The following ERGIC2 variants were observed in gnomAD, a reference collection of about 807,000 sequenced individuals.
ERGIC2 encodes endoplasmic reticulum-Golgi intermediate compartment protein 2.
In ERGIC2, 31 loss-of-function variants were observed where a neutral mutation model predicts 52.5. That is an observed-to-expected ratio of 0.59 (90% CI 0.44 to 0.80). The LOEUF (loss-of-function observed/expected upper bound fraction) is 0.80. ERGIC2 is among the 30% of genes least tolerant of loss of function. The probability of loss-of-function intolerance (pLI) is 0.00; values close to 1 mark genes in which losing one functional copy is unlikely to be tolerated. For synonymous variants in ERGIC2, 129 were observed against 140.6 expected (o/e 0.92, Z 0.58); for missense variants, 395 against 455.2 (o/e 0.87, Z 1.20).
intron 12 of ERGIC2, among the ~76,000 whole-genome samples, chr12:29,342,250 T>C (rs1949845257): frequency 6.6e-6 from 1 of 152,206 alleles, no homozygotes; most frequent in Admixed American, 6.5e-5. Context: ...TGGCCTCAAG[T>C]TGATCCGCCA....
chr12:29,375,615 AT>A (rs1359558674), intron 1 of ERGIC2, among the ~76,000 whole-genome samples: 1 of 152,244 alleles, frequency 6.6e-6, no homozygotes, highest in Admixed American at 6.5e-5. Context: ...TATTTGTATA[AT>A]GAGCTTTCTA....
chr12:29,356,628 C>T lies in ERGIC2; in HGVS notation c.477-151G>A, dbSNP rs182849581. The stretch of plus-strand genomic sequence containing the variant: ...ATAGAATAGTTTCCTGAAGTCTAGA[C>T]ATTTATAAAAATTATACATCTATAA... On this transcript the variant is annotated intron_variant, in intron 7 of 13. Coordinates refer to ENST00000360150, the MANE Select transcript of ERGIC2 (RefSeq NM_016570.3). 4.8e-4 allele frequency: 225 copies of T among 472,576 alleles called. 2 individuals carry two copies. Among genetic ancestry groups the T allele is most frequent in the Admixed American group, 3.3e-3 (88 of 26,496 alleles). The allele number at this position is 472,576 out of a possible 1,614,324, so 29.3% of individuals were successfully genotyped here. A position where few individuals can be genotyped will look rare whatever the true frequency, so the allele number is the denominator to read the frequency against.
intron 10 of ERGIC2, 144 bp from the exon 11 acceptor site, chr12:29,345,684 AAGG>A: frequency 1.6e-6 from 1 of 627,886 alleles, no homozygotes; most frequent in Non-Finnish European, 2.9e-6. Flanking sequence ...GAGGCTGACG[AAGG>A]AGGACTGCTT....
Position 29,361,697 on chromosome 12 carries a change from G to C in ERGIC2, c.334-12C>G, listed in dbSNP as rs1450503648. 1 of 1,597,024 alleles carries C rather than the reference G, an allele frequency of 6.3e-7. No homozygotes were observed. Among genetic ancestry groups the C allele is most frequent in the Non-Finnish European group, 8.5e-7 (1 of 1,171,442 alleles). ...AGATCAAATACTGTCTGAAATGAAAGAAAACATAATCACTAGCATTGTCAA... is the reference window on the plus strand; with the variant it reads ...AGATCAAATACTGTCTGAAATGAAACAAAACATAATCACTAGCATTGTCAA... On this transcript the variant is annotated splice_polypyrimidine_tract_variant and intron_variant, in intron 5 of 13. Coordinates refer to ENST00000360150, the MANE Select transcript of ERGIC2 (RefSeq NM_016570.3).
intron 1 of ERGIC2, among the ~76,000 whole-genome samples, chr12:29,376,502 C>T (rs532635433): frequency 8.5e-5 from 13 of 152,292 alleles, no homozygotes; most frequent in South Asian, 4.1e-4. Flanking sequence ...AGCTTAACAG[C>T]GCTTCTCCTC....
rs1050969835 is a variant in ERGIC2, at chr12:29,338,113, G to C, written c.*3043C>G. The C allele has an allele frequency of 1.3e-5, 2 of 150,914 alleles. No homozygotes were observed. Among genetic ancestry groups the C allele is most frequent in the Non-Finnish European group, 2.9e-5 (2 of 67,978 alleles). 9.3% of individuals were successfully genotyped at this position (150,914 alleles called of 1,614,324 possible). A position where few individuals can be genotyped will look rare whatever the true frequency, so the allele number is the denominator to read the frequency against. ...CACTTGAACCCGGGAGACGGAGGTTGCAGTGAGCTGAGATTGCACCACTGC... is the reference window on the plus strand; with the variant it reads ...CACTTGAACCCGGGAGACGGAGGTTCCAGTGAGCTGAGATTGCACCACTGC... On this transcript the variant is annotated 3_prime_UTR_variant, in exon 14 of 14. Transcript: ENST00000360150.
chr12:29,354,484 AT>A (rs1039381763), intron 8 of ERGIC2, among the ~76,000 whole-genome samples: 131 of 152,326 alleles, frequency 8.6e-4, no homozygotes, highest in African/African-American at 2.4e-3. Context: ...GCTCAAGCAT[AT>A]TGAAATACAT....
intron 1 of ERGIC2, among the ~76,000 whole-genome samples, chr12:29,376,681 C>T (rs1375430888): frequency 6.6e-6 from 1 of 152,132 alleles, no homozygotes; most frequent in Non-Finnish European, 1.5e-5. Flanking sequence ...GTTCTCAAAT[C>T]CTTTAAATCC....
chr12:29,363,127 A>T (rs1206677227), intron 5 of ERGIC2, among the ~76,000 whole-genome samples: 1 of 152,216 alleles, frequency 6.6e-6, no homozygotes, highest in Non-Finnish European at 1.5e-5. Context: ...GAGCTCAAAA[A>T]GTTACAAACT....
intron 10 of ERGIC2, among the ~76,000 whole-genome samples, chr12:29,347,496 A>G (rs1446141572): frequency 1.3e-5 from 2 of 152,162 alleles, no homozygotes; most frequent in Admixed American, 1.3e-4. Context: ...GCCCTTTCTC[A>G]TATCATAGGC....
At chr12:29,342,299 C>T (rs534857923) in intron 12 of ERGIC2, among the ~76,000 whole-genome samples, 1 of 152,226 alleles carries the variant, frequency 6.6e-6, no homozygotes, top group Non-Finnish European at 1.5e-5. Flanking sequence ...TAGGCATGAG[C>T]CACTGCACCG....
At chr12:29,349,401 T>A (rs1449449933) in intron 9 of ERGIC2, among the ~76,000 whole-genome samples, 1 of 151,884 alleles carries the variant, frequency 6.6e-6, no homozygotes, top group African/African-American at 2.4e-5. Context: ...TATCTCAAAT[T>A]TAATAATTAT....
At chr12:29,375,823 G>A (rs981534006) in intron 1 of ERGIC2, among the ~76,000 whole-genome samples, 7 of 151,920 alleles carry the variant, frequency 4.6e-5, no homozygotes, top group Non-Finnish European at 1.5e-5. Flanking sequence ...GGAGCACCTC[G>A]CCCCTCAGCT....
At chr12:29,367,823 CA>C (rs2136875196) in intron 4 of ERGIC2, among the ~76,000 whole-genome samples, 1 of 151,924 alleles carries the variant, frequency 6.6e-6, no homozygotes, top group African/African-American at 2.4e-5. Flanking sequence ...GGTAACCTAT[CA>C]CCATTAACTT....
chr12:29,338,784 C>T lies in ERGIC2; in HGVS notation c.*2372G>A, dbSNP rs1475060135. On this transcript the variant is annotated 3_prime_UTR_variant, in exon 14 of 14. Coordinates refer to ENST00000360150, the MANE Select transcript of ERGIC2 (RefSeq NM_016570.3). ...CTTTATAGGTCAATGTATGCAAACA[C>T]AGTATTTAAAAATCCATTTCATATA... 1 of 152,098 alleles carries T rather than the reference C, an allele frequency of 6.6e-6. No homozygotes were observed. Among genetic ancestry groups the T allele is most frequent in the Non-Finnish European group, 1.5e-5 (1 of 68,012 alleles). The allele number at this position is 152,098 out of a possible 1,614,324, so 9.4% of individuals were successfully genotyped here.
chr12:29,376,739 C>T (rs1940520434), intron 1 of ERGIC2, among the ~76,000 whole-genome samples: 1 of 152,182 alleles, frequency 6.6e-6, no homozygotes, highest in Non-Finnish European at 1.5e-5. Context: ...ATTTGCCTCT[C>T]TACTCAGTGT....
intron 1 of ERGIC2, among the ~76,000 whole-genome samples, chr12:29,376,837 T>C (rs990394460): frequency 1.1e-4 from 16 of 152,210 alleles, no homozygotes; most frequent in African/African-American, 3.9e-4. Context: ...CAAAATTTTC[T>C]AGTCATGGAC....
At chr12:29,348,042 AGAG>A (rs1341488212) in intron 10 of ERGIC2, among the ~76,000 whole-genome samples, 1 of 152,204 alleles carries the variant, frequency 6.6e-6, no homozygotes, top group Non-Finnish European at 1.5e-5. Flanking sequence ...AATGCATTTC[AGAG>A]GAGAATTAAC....
intron 10 of ERGIC2, among the ~76,000 whole-genome samples, chr12:29,346,394 C>T (rs980513641): frequency 2.2e-4 from 33 of 151,766 alleles, no homozygotes; most frequent in Non-Finnish European, 4.3e-4. Flanking sequence ...TTTGCCATGT[C>T]GCCCAGGCTG....
Sources: gnomAD v4.1 joint callset for allele counts (sites outside exome capture counted in the v4.1 genomes callset) on GRCh38, gnomAD v4.1.1 for gene constraint, MANE v1.5 for transcripts, NCBI Gene and HGNC (gene_info 2026-07-23, HGNC 2026-07-21) for gene names.